ATOSA: variants seen among roughly 807,000 people sequenced by gnomAD.
ATOSA encodes the protein atos homolog A.
chr15:52,697,957 A>ATTTTTTTTTTTTTTTTTTTT, the ATOSA span, among the ~76,000 whole-genome samples: 27 of 44,778 alleles, frequency 6.0e-4, no homozygotes, highest in African/African-American at 6.8e-4. Flanking sequence ...GGGATGTAGA[A>ATTTTTTTTTTTTTTTTTTTT]TTTTTTTTTT....
the ATOSA span, among the ~76,000 whole-genome samples, chr15:52,608,326 T>TACCAC: frequency 6.6e-6 from 1 of 152,208 alleles, no homozygotes. Flanking sequence ...TTTAAAAAGG[T>TACCAC]ACCACTTCCT....
At chr15:52,651,728 C>T in the ATOSA span, 43 of 793,132 alleles carry the variant, frequency 5.4e-5, no homozygotes, top group Non-Finnish European at 7.7e-5. Flanking sequence ...TCTCTAAGTT[C>T]AATGGTTTTC....
chr15:52,610,695 A>T, the ATOSA span, among the ~76,000 whole-genome samples: 5 of 152,258 alleles, frequency 3.3e-5, no homozygotes, highest in Non-Finnish European at 5.9e-5. Context: ...CTAGCACATA[A>T]ATGGATTCAG....
At chr15:52,592,565 A>C in the ATOSA span, among the ~76,000 whole-genome samples, 1 of 152,226 alleles carries the variant, frequency 6.6e-6, no homozygotes, top group African/African-American at 2.4e-5. Context: ...TATAACTCAG[A>C]GGTGTCCAAT....
At chr15:52,597,836 T>C in the ATOSA span, among the ~76,000 whole-genome samples, 3,675 of 152,210 alleles carry the variant, frequency 0.024, 126 homozygotes, top group African/African-American at 0.076. Flanking sequence ...TAAAATATAC[T>C]AATATTGGCT....
At chr15:52,649,040 A>G in the ATOSA span, among the ~76,000 whole-genome samples, 1 of 152,180 alleles carries the variant, frequency 6.6e-6, no homozygotes, top group African/African-American at 2.4e-5. Context: ...TACTGCAAAC[A>G]ATTACATTTT....
chr15:52,615,627 T>C, the ATOSA span, among the ~76,000 whole-genome samples: 25 of 152,236 alleles, frequency 1.6e-4, no homozygotes, highest in African/African-American at 6.0e-4. Flanking sequence ...AGCCAGCTTA[T>C]GAATAGCTTT....
chr15:52,585,870 A>G, the ATOSA span, among the ~76,000 whole-genome samples: 1 of 152,236 alleles, frequency 6.6e-6, no homozygotes, highest in African/African-American at 2.4e-5. Context: ...AATCAAAATG[A>G]GAAATATATC....
At chr15:52,613,652 CA>C in the ATOSA span, 1 of 1,608,686 alleles carries the variant, frequency 6.2e-7, no homozygotes, top group Non-Finnish European at 8.5e-7. Flanking sequence ...AGATACAAAG[CA>C]TTCAACACAA....
chr15:52,585,800 T>C, the ATOSA span, among the ~76,000 whole-genome samples: 1 of 152,220 alleles, frequency 6.6e-6, no homozygotes, highest in Non-Finnish European at 1.5e-5. Flanking sequence ...AACACATCAA[T>C]AGGTAACTTG....
chr15:52,660,673 C>CA, the ATOSA span, among the ~76,000 whole-genome samples: 2 of 152,120 alleles, frequency 1.3e-5, no homozygotes, highest in African/African-American at 4.8e-5. Flanking sequence ...TTTTTTGAGA[C>CA]AGAGTTTCGC....
chr15:52,695,032 A>G, the ATOSA span, among the ~76,000 whole-genome samples: 1 of 150,674 alleles, frequency 6.6e-6, no homozygotes, highest in Non-Finnish European at 1.5e-5. Flanking sequence ...TCAGGCAATT[A>G]TCATGCCTCG....
chr15:52,628,807 A>G, the ATOSA span, among the ~76,000 whole-genome samples: 1 of 151,490 alleles, frequency 6.6e-6, no homozygotes, highest in Non-Finnish European at 1.5e-5. Flanking sequence ...CAAAACAAAA[A>G]CTCTATTTTA....
the ATOSA span, among the ~76,000 whole-genome samples, chr15:52,672,630 ATT>A: frequency 1.3e-5 from 2 of 152,168 alleles, no homozygotes; most frequent in South Asian, 4.1e-4. Flanking sequence ...GAATATAAAT[ATT>A]CTTTAACAAC....
the ATOSA span, among the ~76,000 whole-genome samples, chr15:52,647,450 T>A: frequency 6.6e-6 from 1 of 152,222 alleles, no homozygotes; most frequent in African/African-American, 2.4e-5. Flanking sequence ...ACAAAACCAT[T>A]AGATTTTTAG....
chr15:52,704,636 C>A, the ATOSA span, among the ~76,000 whole-genome samples: 1 of 152,006 alleles, frequency 6.6e-6, no homozygotes, highest in African/African-American at 2.4e-5. Context: ...CCAGAATCTA[C>A]AAAGAACTTA....
the ATOSA span, among the ~76,000 whole-genome samples, chr15:52,682,572 T>C: frequency 2.0e-5 from 3 of 152,152 alleles, no homozygotes; most frequent in South Asian, 2.1e-4. Context: ...ATCTCTAGTA[T>C]CTTAAAAGAA....
the ATOSA span, among the ~76,000 whole-genome samples, chr15:52,694,960 T>C: frequency 6.6e-6 from 1 of 151,614 alleles, no homozygotes; most frequent in Non-Finnish European, 1.5e-5. Context: ...GGTCTTATCC[T>C]GTTGCCCAGG....
At chr15:52,636,974 C>T in the ATOSA span, among the ~76,000 whole-genome samples, 3 of 152,090 alleles carry the variant, frequency 2.0e-5, no homozygotes, top group South Asian at 2.1e-4. Flanking sequence ...TGTGTATGTA[C>T]TTCTGGTTGG....
Sources: allele counts gnomAD v4.1 joint callset (sites outside exome capture counted in the v4.1 genomes callset), GRCh38; gene constraint gnomAD v4.1.1; transcripts MANE v1.5; gene names NCBI Gene and HGNC (gene_info 2026-07-23, HGNC 2026-07-21).